Variants in CARMIL1 observed in about 807,000 individuals in gnomAD.
The protein encoded by CARMIL1 is capping protein regulator and myosin 1 linker 1, also known as F-actin-uncapping protein LRRC16A.
Under a neutral mutation model 177.1 loss-of-function variants are expected in CARMIL1, and 90 were observed. The observed-to-expected ratio is 0.51, with a 90% CI of 0.43 to 0.61. The LOEUF is 0.61. Among genes scored for constraint, CARMIL1 ranks in the 20% least tolerant of loss-of-function variants. The pLI is 0.00. For synonymous variants in CARMIL1, 577 were observed against 606.2 expected (o/e 0.95, Z 0.71); for missense variants, 1,380 against 1,667.0 (o/e 0.83, Z 3.00).
intron 4 of CARMIL1, among the ~76,000 whole-genome samples, chr6:25,427,688 G>A (rs1400663471): frequency 6.6e-6 from 1 of 152,144 alleles, no homozygotes; most frequent in Non-Finnish European, 1.5e-5. Flanking sequence ...GCATATGAGA[G>A]TTGTAGTCCC....
chr6:25,441,320 C>CATATATATATATATATATATAT (rs199573016), intron 5 of CARMIL1, among the ~76,000 whole-genome samples: 9 of 99,664 alleles, frequency 9.0e-5, no homozygotes, highest in East Asian at 6.3e-4. Flanking sequence ...AACAAACAAA[C>CATATATATATATATATATATAT]ATATATATAT....
At chr6:25,520,995 C>G (rs1295533664) in intron 23 of CARMIL1, among the ~76,000 whole-genome samples, 1 of 152,216 alleles carries the variant, frequency 6.6e-6, no homozygotes, top group African/African-American at 2.4e-5. Context: ...GCCTACTCCA[C>G]TCACACTGTG....
At chr6:25,503,132 G>A (rs1030657845) in intron 17 of CARMIL1, among the ~76,000 whole-genome samples, 6 of 152,216 alleles carry the variant, frequency 3.9e-5, no homozygotes, top group South Asian at 4.1e-4. Context: ...GTTAATCTCC[G>A]ATGATGAGCT....
At chr6:25,608,426 A>C (rs957806479) in intron 35 of CARMIL1, among the ~76,000 whole-genome samples, 1 of 152,164 alleles carries the variant, frequency 6.6e-6, no homozygotes, top group African/African-American at 2.4e-5. Flanking sequence ...GTTCAGTACT[A>C]TCCCGGTTTC....
At chr6:25,572,632 C>T (rs1232495295) in intron 29 of CARMIL1, among the ~76,000 whole-genome samples, 2 of 138,608 alleles carry the variant, frequency 1.4e-5, no homozygotes, top group African/African-American at 5.4e-5. Context: ...GCCCAGGAGG[C>T]AGAGGTTGGA....
intron 2 of CARMIL1, among the ~76,000 whole-genome samples, chr6:25,359,912 G>GA (rs200217399): frequency 3.9e-5 from 6 of 151,902 alleles, no homozygotes; most frequent in African/African-American, 9.7e-5. Flanking sequence ...TTTAAAAAAG[G>GA]AAAAAAAAGT....
At position 25,462,702 on chromosome 6, in the gene CARMIL1, G is replaced by A. The variant is rs541795638; in HGVS notation, c.615-3171G>A. Among the ~76,000 whole-genome samples the A allele has an allele frequency of 6.4e-4, 97 of 152,248 alleles. 1 individual carries two copies. The highest frequency in any genetic ancestry group is 1.4e-3 in the Admixed American group (22 of 15,296). ...AGCCATTCCCCATTTACTTCAGGCC[G>A]AATTACTTGCTGTCCTGCTGTGCTC... On this transcript the variant is annotated intron_variant, in intron 8 of 36. Coordinates refer to ENST00000329474, the MANE Select transcript of CARMIL1 (RefSeq NM_017640.6).
intron 2 of CARMIL1, among the ~76,000 whole-genome samples, chr6:25,376,337 C>T (rs545235699): frequency 6.6e-6 from 1 of 152,330 alleles, no homozygotes; most frequent in Admixed American, 6.5e-5. Flanking sequence ...GCCTCAGCCT[C>T]CCAAAGTGCT....
rs2151175766 is a variant in CARMIL1, at chr6:25,554,861, T to C, written c.2592+765T>C. 6.6e-6 allele frequency among the ~76,000 whole-genome samples: 1 copy of C among 152,336 alleles called. No individual in the cohort carries two copies. The highest frequency in any genetic ancestry group is 1.9e-4 in the East Asian group (1 of 5,184). On this transcript the variant is annotated intron_variant, in intron 28 of 36. Coordinates refer to ENST00000329474, the MANE Select transcript of CARMIL1 (RefSeq NM_017640.6). This position sits in a 1 kb window ranked among gnomAD's most constrained non-coding sequence, Gnocchi z 4.6. ...GGATGGAGATACCAGTTTTATGGCA[T>C]TGAATTGTTGGGTGACCCTAGAGAA...
At chr6:25,581,015 A>G (rs778641617) in intron 30 of CARMIL1, 25 bp downstream of exon 30, 39 of 1,577,712 alleles carry the variant, frequency 2.5e-5, no homozygotes, top group Non-Finnish European at 3.4e-5. Flanking sequence ...GCTGCCAATC[A>G]TTTCCTTGGA....
At position 25,515,299 on chromosome 6, in the gene CARMIL1, T is replaced by A. The variant is rs1805864683; in HGVS notation, c.1633-376T>A. 6.6e-6 allele frequency among the ~76,000 whole-genome samples: 1 copy of A among 152,236 alleles called. No individual in the cohort carries two copies. Among genetic ancestry groups the A allele is most frequent in the African/African-American group, 2.4e-5 (1 of 41,452 alleles). ...CTCTATTAGTATTTTAAGGTGTCAT[T>A]TCACCTTGTATAAAAATAAAATGGG... On this transcript the variant is annotated intron_variant, in intron 20 of 36. Coordinates refer to ENST00000329474, the MANE Select transcript of CARMIL1 (RefSeq NM_017640.6). The surrounding 1 kb of genome is among the most constrained non-coding windows in gnomAD (Gnocchi z 5.0).
At chr6:25,437,640 G>A (rs1162423533) in intron 5 of CARMIL1, among the ~76,000 whole-genome samples, 1 of 152,152 alleles carries the variant, frequency 6.6e-6, no homozygotes, top group Non-Finnish European at 1.5e-5. Context: ...CTCACACTCA[G>A]TATGTCCCAC....
chr6:25,451,229 G>T (rs1342891642), intron 8 of CARMIL1, among the ~76,000 whole-genome samples: 1 of 151,920 alleles, frequency 6.6e-6, no homozygotes, highest in African/African-American at 2.4e-5. Flanking sequence ...GTTAGAAAAT[G>T]TGCTGAATTT....
intron 20 of CARMIL1, among the ~76,000 whole-genome samples, chr6:25,513,687 AG>A (rs377193317): frequency 1.5e-3 from 221 of 152,294 alleles, no homozygotes; most frequent in African/African-American, 4.8e-3. Context: ...GTGTTTGAGT[AG>A]ACACAGACAA....
chr6:25,341,728 A>G (rs945059377), intron 2 of CARMIL1, among the ~76,000 whole-genome samples: 1 of 152,262 alleles, frequency 6.6e-6, no homozygotes, highest in Non-Finnish European at 1.5e-5. Flanking sequence ...AACAACAGCA[A>G]CAACAACAGA....
intron 17 of CARMIL1, among the ~76,000 whole-genome samples, chr6:25,501,223 G>A (rs1003938185): frequency 2.6e-5 from 4 of 152,080 alleles, no homozygotes; most frequent in Admixed American, 6.5e-5. Context: ...GGAGATGGAA[G>A]TCTCCTCATT....
At position 25,593,745 on chromosome 6, in the gene CARMIL1, CA is replaced by C. The variant is rs1293459023; in HGVS notation, c.3007-669del. Among the ~76,000 whole-genome samples, 4 of 152,152 alleles carry C rather than the reference CA, an allele frequency of 2.6e-5. No homozygotes were observed. The East Asian group carries it at 7.7e-4, about 29-fold the overall frequency. ...CAGCTCAGACATCACATATGCCTCA[CA>C]TAACTGCAGAAAAACACATTCTCTC... is the stretch of plus-strand genomic sequence containing the variant. On this transcript the variant is annotated intron_variant, in intron 31 of 36. Transcript: ENST00000329474.
rs1206409798 is a variant in CARMIL1 at position 25,279,537 on chromosome 6, C to G, written c.-259C>G. 1.1e-5 allele frequency: 6 copies of G among 562,150 alleles called. No individual in the cohort carries two copies. The highest frequency in any genetic ancestry group is 3.0e-5 in the Admixed American group (1 of 32,956). 34.8% of individuals were successfully genotyped at this position (562,150 alleles called of 1,614,324 possible). ...GCGCCCGCTTGTAATCCGGTCCGCT[C>G]CTTATTCAGCCGCCGGGAACTGCGA... On this transcript the variant is annotated 5_prime_UTR_variant, in exon 1 of 37. Transcript: ENST00000329474.
chr6:25,420,069 C>G (rs756874174), intron 2 of CARMIL1, 45 bp from the exon 3 acceptor site: 1 of 1,511,088 alleles, frequency 6.6e-7, no homozygotes, highest in Non-Finnish European at 9.2e-7. Flanking sequence ...CCCACTGGCC[C>G]CACTTTTTGG....
Sources: allele counts gnomAD v4.1 joint callset (sites outside exome capture counted in the v4.1 genomes callset), GRCh38; gene constraint gnomAD v4.1.1; non-coding constraint Gnocchi (gnomAD v3.1); transcripts MANE v1.5; gene names NCBI Gene and HGNC (gene_info 2026-07-23, HGNC 2026-07-21).